Variants in GPC5 observed in about 807,000 individuals in gnomAD.
GPC5 encodes the protein glypican-5.
A neutral mutation model predicts 53.9 loss-of-function variants in GPC5; 47 were observed. The ratio of observed to expected loss-of-function variants is 0.87; its 90% CI spans 0.69 to 1.11. The LOEUF (loss-of-function observed/expected upper bound fraction) is 1.11, where lower values mean the gene tolerates loss of function less well. Ranked by LOEUF, GPC5 falls within the 50% of genes most tolerant of loss-of-function variation. The pLI is 0.00. For synonymous variants in GPC5, 286 were observed against 263.3 expected (o/e 1.09, Z -0.84); for missense variants, 748 against 713.1 (o/e 1.05, Z -0.56).
At chr13:91,527,918 C>T (rs1886163186) in intron 2 of GPC5, among the ~76,000 whole-genome samples, 1 of 152,122 alleles carries the variant, frequency 6.6e-6, no homozygotes, top group South Asian at 2.1e-4. Context: ...GGCTGGGAGG[C>T]AGGGCACCAT....
chr13:91,825,575 C>A (rs1381437712), intron 5 of GPC5, among the ~76,000 whole-genome samples: 1 of 152,014 alleles, frequency 6.6e-6, no homozygotes, highest in African/African-American at 2.4e-5. Context: ...AAATATAGAA[C>A]AGCTATGTGA....
intron 6 of GPC5, among the ~76,000 whole-genome samples, chr13:92,094,254 C>T (rs1024787668): frequency 3.9e-5 from 6 of 152,140 alleles, no homozygotes; most frequent in African/African-American, 1.4e-4. Context: ...CGGTGGCTCA[C>T]GCCTGTTTTC....
intron 7 of GPC5, among the ~76,000 whole-genome samples, chr13:92,338,248 T>C (rs546992035): frequency 2.0e-5 from 3 of 152,142 alleles, no homozygotes; most frequent in African/African-American, 7.2e-5. Context: ...AAAATACCAA[T>C]ATATACGTAT....
intron 6 of GPC5, among the ~76,000 whole-genome samples, chr13:92,006,461 A>T (rs1002067847): frequency 6.6e-6 from 1 of 152,138 alleles, no homozygotes; most frequent in Non-Finnish European, 1.5e-5. Context: ...AAAGTAAATA[A>T]ATATTGATTT....
chr13:92,130,877 A>G (rs1205659349), intron 6 of GPC5, among the ~76,000 whole-genome samples: 1 of 151,966 alleles, frequency 6.6e-6, no homozygotes, highest in African/African-American at 2.4e-5. Context: ...AGGAATTACA[A>G]GTATTTTAAT....
intron 5 of GPC5, among the ~76,000 whole-genome samples, chr13:91,768,829 C>T (rs966370862): frequency 6.6e-6 from 1 of 152,142 alleles, no homozygotes; most frequent in African/African-American, 2.4e-5. Context: ...GAGTCATTGC[C>T]ATTTAATATG....
chr13:91,572,132 T>TACACATATGTATATATACGTGTGTATAC (rs1566517179), intron 2 of GPC5, among the ~76,000 whole-genome samples: 1 of 115,308 alleles, frequency 8.7e-6, no homozygotes, highest in African/African-American at 3.6e-5. Context: ...CGTGTGTATA[T>TACACATATGTATATATACGTGTGTATAC]ACACATATGT....
chr13:92,201,983 G>T (rs543148983), intron 7 of GPC5, among the ~76,000 whole-genome samples: 2 of 152,070 alleles, frequency 1.3e-5, no homozygotes, highest in Non-Finnish European at 2.9e-5. Flanking sequence ...TTTAATCCTT[G>T]GTGCTATCAC....
At chr13:92,386,772 A>C (rs951659537) in intron 7 of GPC5, among the ~76,000 whole-genome samples, 1 of 152,042 alleles carries the variant, frequency 6.6e-6, no homozygotes, top group South Asian at 2.1e-4. Context: ...TTATTACTAT[A>C]TATCTCTCCA....
intron 1 of GPC5, among the ~76,000 whole-genome samples, chr13:91,407,829 A>G (rs1877438704): frequency 1.3e-5 from 2 of 152,154 alleles, no homozygotes; most frequent in South Asian, 4.1e-4. Context: ...ACAAAACATG[A>G]TATACTGTAG....
intron 5 of GPC5, among the ~76,000 whole-genome samples, chr13:91,788,800 A>T (rs1475552299): frequency 6.6e-6 from 1 of 152,228 alleles, no homozygotes; most frequent in African/African-American, 2.4e-5. Context: ...CAGTGGTAAC[A>T]CTTAAATATT....
chr13:91,792,312 A>G (rs2037978660), intron 5 of GPC5, among the ~76,000 whole-genome samples: 1 of 152,218 alleles, frequency 6.6e-6, no homozygotes, highest in South Asian at 2.1e-4. Flanking sequence ...CTATTGGTTT[A>G]GTAACATAGG....
At chr13:92,234,709 C>T (rs1286823307) in intron 7 of GPC5, among the ~76,000 whole-genome samples, 1 of 152,038 alleles carries the variant, frequency 6.6e-6, no homozygotes, top group Non-Finnish European at 1.5e-5. Flanking sequence ...TTCCCTGTCT[C>T]TGGTGATAAG....
At chr13:92,647,827 A>G (rs755721122) in intron 7 of GPC5, among the ~76,000 whole-genome samples, 1 of 152,064 alleles carries the variant, frequency 6.6e-6, no homozygotes, top group Non-Finnish European at 1.5e-5. Context: ...GAATATATAT[A>G]TTTTTCATTC....
intron 7 of GPC5, among the ~76,000 whole-genome samples, chr13:92,506,043 G>A (rs941775408): frequency 1.3e-5 from 2 of 152,098 alleles, no homozygotes; most frequent in Admixed American, 6.6e-5. Context: ...GGAGTTGGTG[G>A]CTACATCAGC....
chr13:92,035,342 A>G (rs1001732086), intron 6 of GPC5, among the ~76,000 whole-genome samples: 3 of 152,050 alleles, frequency 2.0e-5, no homozygotes, highest in Non-Finnish European at 4.4e-5. Context: ...TGGCAGTGTC[A>G]GTTACACTAG....
At chr13:91,682,322 A>C (rs188982219) in intron 2 of GPC5, among the ~76,000 whole-genome samples, 2 of 152,332 alleles carry the variant, frequency 1.3e-5, no homozygotes, top group African/African-American at 4.8e-5. Flanking sequence ...TGGCAAGTAC[A>C]TGGCAAAAGT....
chr13:91,694,004 T>C lies in GPC5; in HGVS notation c.1020+123T>C, dbSNP rs140958538. On this transcript the variant is annotated intron_variant, in intron 3 of 7. Coordinates refer to ENST00000377067, the MANE Select transcript of GPC5 (RefSeq NM_004466.6). ...TATTCAATCCAAGATATTATTTTTTTATATCTTATGATAAAATTTTGATTG... is the reference window on the plus strand; with the variant it reads ...TATTCAATCCAAGATATTATTTTTTCATATCTTATGATAAAATTTTGATTG... 1.0e-4 allele frequency: 78 copies of C among 769,222 alleles called. No homozygotes were observed. The African/African-American group carries it at 1.2e-3, about 12-fold the overall frequency. The allele number at this position is 769,222 out of a possible 1,614,324, so 47.6% of individuals were successfully genotyped here. A position where few individuals can be genotyped will look rare whatever the true frequency, so the allele number is the denominator to read the frequency against.
intron 7 of GPC5, among the ~76,000 whole-genome samples, chr13:92,390,406 A>G (rs1411809555): frequency 1.3e-5 from 2 of 152,100 alleles, no homozygotes; most frequent in East Asian, 3.9e-4. Context: ...TTTTTCAAAA[A>G]CATAAGCTGA....
Sources: gnomAD v4.1 joint callset for allele counts (sites outside exome capture counted in the v4.1 genomes callset) on GRCh38, gnomAD v4.1.1 for gene constraint, MANE v1.5 for transcripts, NCBI Gene and HGNC (gene_info 2026-07-23, HGNC 2026-07-21) for gene names.